The following FAT4 variants were observed in gnomAD, a reference collection of about 807,000 sequenced individuals.
FAT4 encodes protocadherin Fat 4.
Under a neutral mutation model 303.9 loss-of-function variants are expected in FAT4, and 84 were observed. The observed-to-expected ratio is 0.28, with a 90% CI of 0.23 to 0.33. FAT4 has a LOEUF of 0.33. FAT4 is among the 10% of genes least tolerant of loss of function. The pLI is 1.00. For missense variants in FAT4, 6,005 were observed against 6,146.8 expected (o/e 0.98, Z 0.77); for synonymous variants, 2,307 against 2,298.8 (o/e 1.00, Z -0.10).
chr4:125,490,523 T>C lies in FAT4; in HGVS notation c.13707T>C (p.Asp4569=). 3.7e-6 allele frequency: 6 copies of C among 1,614,070 alleles called. No individual in the cohort carries two copies. The highest frequency in any genetic ancestry group is 5.1e-6 in the Non-Finnish European group (6 of 1,180,026). ...DDPDNIPPYG[D]DMTVRKQPEG... Reference sequence around the variant, plus strand: ...CTGACAATATCCCTCCCTATGGGGATGACATGACTGTGAGGAAGCAGCCTG... The same window carrying C: ...CTGACAATATCCCTCCCTATGGGGACGACATGACTGTGAGGAAGCAGCCTG... Residue 4569 remains aspartate (D), a synonymous_variant, in exon 18 of 18, where the codon GAT becomes GAC. Transcript: ENST00000394329.
At position 125,468,593 on chromosome 4, in the gene FAT4, A is replaced by G. The variant is rs749287163; in HGVS notation, c.11987A>G (p.Asn3996Ser). Residue 3996 changes from asparagine to serine, a missense_variant, in exon 12 of 18, where the codon AAT becomes AGT. Physicochemically the swap from Asn to Ser is conservative, Grantham distance 46. Coordinates refer to ENST00000394329, the MANE Select transcript of FAT4 (RefSeq NM_001291303.3). ...ATGGAATTTCCAAGCTTGGACCCCA[A>G]TAACAACTATATTTATGTCAAATTT... The part of the protein sequence containing the change: ...SYMEFPSLDP[N>S]NNYIYVKFAT... 1.9e-6 allele frequency: 3 copies of G among 1,614,142 alleles called. No individual in the cohort carries two copies. The highest frequency in any genetic ancestry group is 2.5e-6 in the Non-Finnish European group (3 of 1,179,990).
At chr4:125,371,703 A>C (rs1304621892) in intron 2 of FAT4, among the ~76,000 whole-genome samples, 2 of 151,058 alleles carry the variant, frequency 1.3e-5, no homozygotes, top group Non-Finnish European at 3.0e-5. Context: ...AATATCCTCA[A>C]TAATATCTTA....
chr4:125,393,158 C>G (rs1397127030), intron 2 of FAT4, among the ~76,000 whole-genome samples: 2 of 152,062 alleles, frequency 1.3e-5, no homozygotes, highest in Non-Finnish European at 2.9e-5. Flanking sequence ...ATTTGAGAAC[C>G]ATTTTATGTA....
At chr4:125,322,722 TTTATTA>T (rs914943901) in intron 2 of FAT4, among the ~76,000 whole-genome samples, 1 of 151,416 alleles carries the variant, frequency 6.6e-6, no homozygotes, top group Non-Finnish European at 1.5e-5. Flanking sequence ...TAAATGATAA[TTTATTA>T]TTATTATTAT....
At chr4:125,471,895 C>CAAAAAAAAAAAAAAAAAA (rs60730341) in intron 12 of FAT4, among the ~76,000 whole-genome samples, 32 of 56,116 alleles carry the variant, frequency 5.7e-4, no homozygotes, top group Admixed American at 1.3e-3. Context: ...ACTAAAAATA[C>CAAAAAAAAAAAAAAAAAA]AAAAAAAAAA....
At chr4:125,411,510 T>C (rs1734840715) in intron 5 of FAT4, among the ~76,000 whole-genome samples, 1 of 151,836 alleles carries the variant, frequency 6.6e-6, no homozygotes, top group South Asian at 2.1e-4. Flanking sequence ...TACAGACCAT[T>C]GAGTTTCATA....
chr4:125,387,162 T>A (rs1335051942), intron 2 of FAT4, among the ~76,000 whole-genome samples: 1 of 152,212 alleles, frequency 6.6e-6, no homozygotes, highest in Non-Finnish European at 1.5e-5. Context: ...TACCGGTCTG[T>A]GCCCAGGGGT....
At chr4:125,328,420 A>T (rs1216255472) in intron 2 of FAT4, among the ~76,000 whole-genome samples, 1 of 152,214 alleles carries the variant, frequency 6.6e-6, no homozygotes, top group Admixed American at 6.5e-5. Context: ...TGGTAATTAA[A>T]CAGTGATTAT....
At position 125,325,231 on chromosome 4, in the gene FAT4, C is replaced by T. The variant is rs556411371; in HGVS notation, c.5175+3645C>T. 1.2e-4 allele frequency among the ~76,000 whole-genome samples: 18 copies of T among 152,094 alleles called. No homozygotes were observed. The East Asian group carries it at 2.5e-3, about 21-fold the overall frequency. On this transcript the variant is annotated intron_variant, in intron 2 of 17. Transcript: ENST00000394329. ...CATAAAAATACATTTATCTCGCATTCGTAATGATTTTTTTTTACCTATTCC... is the reference window on the plus strand; with the variant it reads ...CATAAAAATACATTTATCTCGCATTTGTAATGATTTTTTTTTACCTATTCC...
chr4:125,410,596 T>A (rs1734802197), intron 5 of FAT4, among the ~76,000 whole-genome samples: 1 of 152,182 alleles, frequency 6.6e-6, no homozygotes. Flanking sequence ...ACCATGTTTC[T>A]TTTTGATTTA....
chr4:125,386,923 G>T (rs539078075), intron 2 of FAT4, among the ~76,000 whole-genome samples: 1 of 152,284 alleles, frequency 6.6e-6, no homozygotes, highest in Admixed American at 6.5e-5. Context: ...CTGGGTGGGA[G>T]GGTGGTTTTG....
intron 2 of FAT4, among the ~76,000 whole-genome samples, chr4:125,322,592 T>C (rs1188072911): frequency 1.3e-5 from 2 of 152,126 alleles, no homozygotes; most frequent in Non-Finnish European, 2.9e-5. Flanking sequence ...AAACATCAAA[T>C]GTGGTTTGTG....
chr4:125,348,370 T>C (rs76470783), intron 2 of FAT4, among the ~76,000 whole-genome samples: 3,599 of 151,516 alleles, frequency 0.024, 139 homozygotes, highest in African/African-American at 0.083. Flanking sequence ...AACAATGAAG[T>C]TTTTTATGTA....
At chr4:125,466,151 GA>G (rs576835950) in intron 11 of FAT4, among the ~76,000 whole-genome samples, 124 of 152,180 alleles carry the variant, frequency 8.1e-4, no homozygotes, top group Non-Finnish European at 1.6e-3. Context: ...TACATCTTAG[GA>G]AAAACATAGT....
intron 2 of FAT4, among the ~76,000 whole-genome samples, chr4:125,328,826 A>G (rs1423767250): frequency 1.3e-5 from 2 of 152,200 alleles, no homozygotes; most frequent in African/African-American, 4.8e-5. Flanking sequence ...TAAACCCAGC[A>G]GTCTGCCTCT....
Position 125,317,629 on chromosome 4 carries a change from C to T in FAT4, c.1218C>T (p.His406=), listed in dbSNP as rs1730676792. The change falls in exon 2 of 18, where the codon CAC becomes CAT. Residue 406 remains histidine, a synonymous_variant. Transcript: ENST00000394329. The surrounding 1 kb of genome is among the most constrained non-coding windows in gnomAD (Gnocchi z 7.0). The stretch of plus-strand genomic sequence containing the variant: ...TTCTCGGGGGCAATGAGCAGCGCCA[C>T]TTTGAAGTGCAAAGCAGCAAAGTGC... ...VQILGGNEQR[H]FEVQSSKVPN... 1 of 1,614,026 alleles carries T rather than the reference C, an allele frequency of 6.2e-7. No individual in the cohort carries two copies. The highest frequency in any genetic ancestry group is 8.5e-7 in the Non-Finnish European group (1 of 1,179,986).
At chr4:125,478,503 C>A (rs1225084517) in intron 14 of FAT4, among the ~76,000 whole-genome samples, 2 of 151,956 alleles carry the variant, frequency 1.3e-5, no homozygotes, top group Non-Finnish European at 2.9e-5. Flanking sequence ...TTCTGTTAGA[C>A]CTTATGTCCA....
At position 125,316,623 on chromosome 4, in the gene FAT4, C is replaced by T. The variant is rs1225918824; in HGVS notation, c.212C>T (p.Thr71Ile). The change falls in exon 2 of 18, where the codon ACC becomes ATC. Residue 71 changes from threonine (T) to isoleucine (I), a missense_variant. By Grantham distance (89) the Thr-to-Ile change is moderately conservative (BLOSUM62 -1). Transcript: ENST00000394329. This position sits in a 1 kb window ranked among gnomAD's most constrained non-coding sequence, Gnocchi z 5.7. ...ACCATCCAGACGCGCCCCGGCTTCA[C>T]CTACAGGCTCAGCGAAAGCCACGCC... is the stretch of plus-strand genomic sequence containing the variant. ...VGTIQTRPGF[T>I]YRLSESHALF... The T allele has an allele frequency of 6.2e-7, 1 of 1,613,842 alleles. No individual in the cohort carries two copies. Among genetic ancestry groups the T allele is most frequent in the African/African-American group, 1.3e-5 (1 of 74,918 alleles).
At chr4:125,457,287 A>T (rs1162573271) in intron 10 of FAT4, among the ~76,000 whole-genome samples, 7 of 152,112 alleles carry the variant, frequency 4.6e-5, no homozygotes, top group Non-Finnish European at 1.0e-4. Context: ...AGCTGAATGG[A>T]GATTTTATGT....
Sources: gnomAD v4.1 joint callset for allele counts (sites outside exome capture counted in the v4.1 genomes callset) on GRCh38, gnomAD v4.1.1 for gene constraint, Gnocchi (gnomAD v3.1) non-coding constraint, MANE v1.5 for transcripts, NCBI Gene and HGNC (gene_info 2026-07-23, HGNC 2026-07-21) for gene names.